Variants in GALNT17 observed in about 807,000 individuals in gnomAD.
GALNT17 encodes UDP-GalNAc:polypeptide N-acetylgalactosaminyltransferase-like 3.
GALNT17 carries 29 observed loss-of-function variants against 63.7 expected under a neutral mutation model. The ratio of observed to expected loss-of-function variants is 0.46; its 90% CI spans 0.34 to 0.62. GALNT17 has a LOEUF of 0.62. GALNT17 is among the 20% of genes least tolerant of loss of function. The probability of loss-of-function intolerance (pLI) is 0.01; values close to 1 mark genes in which losing one functional copy is unlikely to be tolerated. For missense variants in GALNT17, 603 were observed against 799.6 expected, an observed-to-expected ratio of 0.75 and a Z score of 2.97; for synonymous variants, 305 against 318.3, an observed-to-expected ratio of 0.96 and a Z score of 0.45.
intron 2 of GALNT17, among the ~76,000 whole-genome samples, chr7:71,343,421 T>C (rs1792039380): frequency 1.3e-5 from 2 of 152,250 alleles, no homozygotes; most frequent in Non-Finnish European, 2.9e-5. Context: ...GTTTTTCTTA[T>C]AAATATGAAT....
intron 2 of GALNT17, among the ~76,000 whole-genome samples, chr7:71,384,920 T>C (rs1792913397): frequency 6.6e-6 from 1 of 152,210 alleles, no homozygotes; most frequent in African/African-American, 2.4e-5. Flanking sequence ...GCCCATCTAT[T>C]ACAGCTGTTG....
intron 5 of GALNT17, among the ~76,000 whole-genome samples, chr7:71,516,489 A>G (rs1394730958): frequency 6.6e-6 from 1 of 152,166 alleles, no homozygotes; most frequent in East Asian, 1.9e-4. Context: ...ACACCTGGAC[A>G]TCTAAGGGAT....
intron 1 of GALNT17, among the ~76,000 whole-genome samples, chr7:71,203,546 C>A (rs1160223075): frequency 6.6e-6 from 1 of 152,008 alleles, no homozygotes; most frequent in African/African-American, 2.4e-5. Flanking sequence ...GATATTAACC[C>A]CTTGTCAGGG....
chr7:71,636,956 G>A (rs1031116351), intron 6 of GALNT17, among the ~76,000 whole-genome samples: 1 of 152,090 alleles, frequency 6.6e-6, no homozygotes, highest in Non-Finnish European at 1.5e-5. Flanking sequence ...TCTGCAGATG[G>A]CCAGGATTCA....
chr7:71,370,799 T>C (rs2116272536), intron 2 of GALNT17, among the ~76,000 whole-genome samples: 1 of 151,466 alleles, frequency 6.6e-6, no homozygotes, highest in Admixed American at 6.6e-5. Flanking sequence ...AGAGATGGGG[T>C]CTCTCTTTGT....
chr7:71,435,974 C>A (rs1170872212), intron 5 of GALNT17, among the ~76,000 whole-genome samples: 2 of 146,120 alleles, frequency 1.4e-5, no homozygotes, highest in African/African-American at 2.5e-5. Context: ...GAGCCAAGAT[C>A]ACGCTACTGC....
At chr7:71,264,147 T>C (rs1039628678) in intron 1 of GALNT17, among the ~76,000 whole-genome samples, 4 of 152,130 alleles carry the variant, frequency 2.6e-5, no homozygotes, top group Non-Finnish European at 4.4e-5. Flanking sequence ...GGGGAGAGCA[T>C]GTGGATTAGC....
chr7:71,469,704 C>T (rs1395910505), intron 5 of GALNT17, among the ~76,000 whole-genome samples: 4 of 152,200 alleles, frequency 2.6e-5, no homozygotes, highest in Non-Finnish European at 5.9e-5. Flanking sequence ...TGTTACAGCT[C>T]ACTATGGACA....
At chr7:71,194,631 T>C (rs1013810337) in intron 1 of GALNT17, among the ~76,000 whole-genome samples, 10 of 152,206 alleles carry the variant, frequency 6.6e-5, no homozygotes, top group Non-Finnish European at 1.2e-4. Context: ...CCTGAGCACC[T>C]GTGTGTCCCT....
chr7:71,313,890 G>A (rs1211719917), intron 1 of GALNT17, among the ~76,000 whole-genome samples: 1 of 152,156 alleles, frequency 6.6e-6, no homozygotes, highest in Non-Finnish European at 1.5e-5. Context: ...GAAGGGTTGA[G>A]TTGCTGCAGT....
intron 6 of GALNT17, among the ~76,000 whole-genome samples, chr7:71,601,387 A>G (rs1048447212): frequency 6.6e-6 from 1 of 152,064 alleles, no homozygotes; most frequent in Admixed American, 6.6e-5. Flanking sequence ...GTACTAGTTT[A>G]CATTCCTTGG....
At chr7:71,198,248 T>G (rs11768466) in intron 1 of GALNT17, among the ~76,000 whole-genome samples, 2 of 147,876 alleles carry the variant, frequency 1.4e-5, no homozygotes, top group Non-Finnish European at 3.0e-5. Flanking sequence ...GTGGGTATGG[T>G]GTGGGTTAAA....
At chr7:71,334,483 G>A (rs993801341) in intron 1 of GALNT17, among the ~76,000 whole-genome samples, 2 of 152,204 alleles carry the variant, frequency 1.3e-5, no homozygotes, top group African/African-American at 4.8e-5. Context: ...GTGTGTATGT[G>A]TGTATGTGTG....
chr7:71,632,220 T>C (rs948827562), intron 6 of GALNT17, among the ~76,000 whole-genome samples: 4 of 152,218 alleles, frequency 2.6e-5, no homozygotes, highest in African/African-American at 9.6e-5. Context: ...GCTTTTCCAC[T>C]GTGGAGCAGG....
chr7:71,158,934 A>G (rs1481333804), intron 1 of GALNT17, among the ~76,000 whole-genome samples: 3 of 151,830 alleles, frequency 2.0e-5, no homozygotes, highest in Non-Finnish European at 4.4e-5. Flanking sequence ...TTCTAGATGA[A>G]TATGTTTCAT....
intron 5 of GALNT17, among the ~76,000 whole-genome samples, chr7:71,499,454 T>C (rs940294939): frequency 6.6e-6 from 1 of 152,150 alleles, no homozygotes; most frequent in African/African-American, 2.4e-5. Context: ...TTTGTAGACA[T>C]TATTGTAAGT....
At chr7:71,225,380 A>G (rs940403209) in intron 1 of GALNT17, among the ~76,000 whole-genome samples, 2 of 152,182 alleles carry the variant, frequency 1.3e-5, no homozygotes, top group African/African-American at 4.8e-5. Flanking sequence ...AAGCAAACAC[A>G]TCTTATTTTC....
intron 9 of GALNT17, among the ~76,000 whole-genome samples, chr7:71,681,149 C>T (rs944195876): frequency 6.6e-6 from 1 of 152,206 alleles, no homozygotes; most frequent in Non-Finnish European, 1.5e-5. Context: ...GATCCTCCCA[C>T]CTTGGCCTCC....
intron 1 of GALNT17, among the ~76,000 whole-genome samples, chr7:71,133,442 G>A (rs1787724928): frequency 6.6e-6 from 1 of 152,152 alleles, no homozygotes; most frequent in Admixed American, 6.5e-5. Context: ...TGGGGTACCA[G>A]TAGGGAACCT....
Sources: allele counts gnomAD v4.1 joint callset (sites outside exome capture counted in the v4.1 genomes callset), GRCh38; gene constraint gnomAD v4.1.1; transcripts MANE v1.5; gene names NCBI Gene and HGNC (gene_info 2026-07-23, HGNC 2026-07-21).